The following CDC14B variants were observed in gnomAD, a reference collection of about 807,000 sequenced individuals.
CDC14B encodes the protein dual specificity protein phosphatase CDC14B.
Under a neutral mutation model 64.2 loss-of-function variants are expected in CDC14B, and 22 were observed. That is an observed-to-expected ratio of 0.34 (90% CI 0.24 to 0.49). The LOEUF (loss-of-function observed/expected upper bound fraction) is 0.49. CDC14B is among the 20% of genes least tolerant of loss of function. The probability of loss-of-function intolerance (pLI) is 0.99; values close to 1 mark genes in which losing one functional copy is unlikely to be tolerated. For synonymous variants in CDC14B, 191 were observed against 215.8 expected, an observed-to-expected ratio of 0.89 and a Z score of 1.01; for missense variants, 498 against 629.9, an observed-to-expected ratio of 0.79 and a Z score of 2.24.
At chr9:96,552,062 C>T (rs1284730338) in intron 4 of CDC14B, among the ~76,000 whole-genome samples, 190 bp from the exon 5 acceptor site, 3 of 152,230 alleles carry the variant, frequency 2.0e-5, no homozygotes, top group African/African-American at 4.8e-5. Flanking sequence ...TTGCTGGTTT[C>T]TGTTGTTTGC....
chr9:96,562,678 A>C lies in CDC14B; in HGVS notation c.420+15T>G, dbSNP rs779957125. On this transcript the variant is annotated intron_variant, in intron 4 of 13. Transcript: ENST00000375241. ...TGTGCATTTTTATGAATACATTAGG[A>C]AAACAAATACTTACCATGTAGCATC... is the stretch of plus-strand genomic sequence containing the variant. 7 of 1,559,392 alleles carry C rather than the reference A, an allele frequency of 4.5e-6. No homozygotes were observed. Among genetic ancestry groups the C allele is most frequent in the Non-Finnish European group, 6.2e-6 (7 of 1,130,940 alleles).
chr9:96,506,205 G>A (rs937084263), intron 13 of CDC14B, among the ~76,000 whole-genome samples: 3 of 152,048 alleles, frequency 2.0e-5, no homozygotes, highest in Non-Finnish European at 4.4e-5. Flanking sequence ...TTCTACTGCT[G>A]TTTAAAGATT....
chr9:96,539,869 C>T (rs1216469345), intron 6 of CDC14B, among the ~76,000 whole-genome samples: 1 of 152,188 alleles, frequency 6.6e-6, no homozygotes, highest in African/African-American at 2.4e-5. Flanking sequence ...AAATATCCTC[C>T]TGGCTGCTGA....
At chr9:96,545,324 ATTTTC>A (rs905521853) in intron 5 of CDC14B, among the ~76,000 whole-genome samples, 5 of 140,140 alleles carry the variant, frequency 3.6e-5, no homozygotes, top group Non-Finnish European at 7.7e-5. Context: ...GAGTATGATT[ATTTTC>A]TTTTTTTTTT....
chr9:96,541,075 T>C (rs1304375866), intron 6 of CDC14B, among the ~76,000 whole-genome samples: 1 of 152,244 alleles, frequency 6.6e-6, no homozygotes, highest in Admixed American at 6.5e-5. Context: ...CTTTTGGCTC[T>C]AAAAGCACAA....
chr9:96,516,199 CCA>C (rs367773821), intron 12 of CDC14B, among the ~76,000 whole-genome samples: 15 of 152,094 alleles, frequency 9.9e-5, no homozygotes, highest in African/African-American at 3.6e-4. Flanking sequence ...ACACAAAACC[CCA>C]GACTAGTTAA....
rs373160930 is a variant in CDC14B, at chr9:96,560,582, C to CTTTT, written c.420+2110_420+2111insAAAA. 2.9e-4 allele frequency among the ~76,000 whole-genome samples: 37 copies of CTTTT among 127,648 alleles called. 7 individuals carry two copies. Among genetic ancestry groups the CTTTT allele is most frequent in the East Asian group, 4.3e-4 (2 of 4,634 alleles). The allele number at this position is 127,648 out of a possible 152,430, so 83.7% of individuals were successfully genotyped here. ...GGTTCATACATAGACTTTTCTCTTT[C>CTTTT]TCTTTTTTTTTTTTTTTTTGAGACG... On this transcript the variant is annotated intron_variant, in intron 4 of 13. Transcript: ENST00000375241.
chr9:96,504,021 A>G (rs892321392), intron 13 of CDC14B, among the ~76,000 whole-genome samples: 2 of 152,190 alleles, frequency 1.3e-5, no homozygotes, highest in Non-Finnish European at 2.9e-5. Context: ...CAAAAAATAG[A>G]AATTTAAAAA....
At chr9:96,553,962 G>A (rs1842159652) in intron 4 of CDC14B, among the ~76,000 whole-genome samples, 1 of 152,074 alleles carries the variant, frequency 6.6e-6, no homozygotes, top group Non-Finnish European at 1.5e-5. Context: ...TCAGGAGATG[G>A]AGACCATCCT....
In CDC14B at chr9:96,500,879, C is replaced by CGCCCAGCCCA. The variant is rs1272749055; in HGVS notation, c.*2864_*2873dup. On this transcript the variant is annotated 3_prime_UTR_variant, in exon 14 of 14. Coordinates refer to ENST00000375241, the MANE Select transcript of CDC14B (RefSeq NM_033331.4). The stretch of plus-strand genomic sequence containing the variant: ...GGCCACACACAAGCCCAGGCCATCC[C>CGCCCAGCCCA]GCCCAGCCCAGCGAGCACACTGGCC... The CGCCCAGCCCA allele has an allele frequency of 8.0e-6, 1 of 124,490 alleles. No individual in the cohort carries two copies. Among genetic ancestry groups the CGCCCAGCCCA allele is most frequent in the Non-Finnish European group, 1.7e-5 (1 of 59,680 alleles). The allele number at this position is 124,490 out of a possible 1,614,324, so 7.7% of individuals were successfully genotyped here.
intron 1 of CDC14B, among the ~76,000 whole-genome samples, chr9:96,607,151 TC>T (rs1847005118): frequency 6.6e-6 from 1 of 151,934 alleles, no homozygotes; most frequent in Non-Finnish European, 1.5e-5. Flanking sequence ...ATCCCACATA[TC>T]TTTATTTTGG....
intron 5 of CDC14B, among the ~76,000 whole-genome samples, chr9:96,545,309 T>A: frequency 6.6e-6 from 1 of 151,564 alleles, no homozygotes; most frequent in Non-Finnish European, 1.5e-5. Context: ...GTCTTCTCTG[T>A]GAAGGAGTAT....
At chr9:96,608,344 T>C (rs1006514740) in intron 1 of CDC14B, among the ~76,000 whole-genome samples, 3 of 152,234 alleles carry the variant, frequency 2.0e-5, no homozygotes, top group Non-Finnish European at 4.4e-5. Flanking sequence ...TGACAGTTCA[T>C]TGTCAGAAAG....
chr9:96,582,116 G>A (rs1845195620), intron 1 of CDC14B, among the ~76,000 whole-genome samples: 1 of 152,086 alleles, frequency 6.6e-6, no homozygotes, highest in Non-Finnish European at 1.5e-5. Flanking sequence ...AACCTCTCCA[G>A]CCCCCGTCCC....
chr9:96,494,571 T>G (rs528050536), intron 13 of CDC14B, among the ~76,000 whole-genome samples: 1 of 152,304 alleles, frequency 6.6e-6, no homozygotes, highest in South Asian at 2.1e-4. Context: ...CAAAGTTTCC[T>G]TGGACTCTAG....
rs138624546 is a variant in CDC14B at position 96,531,699 on chromosome 9, C to T, written c.946+2228G>A. On this transcript the variant is annotated intron_variant, in intron 9 of 13. Coordinates refer to ENST00000375241, the MANE Select transcript of CDC14B (RefSeq NM_033331.4). The stretch of plus-strand genomic sequence containing the variant: ...ACACAAAAATTATACTACTTGCAAA[C>T]GACAAATTATTTTACAAATTACAAT... Among the ~76,000 whole-genome samples the T allele has an allele frequency of 8.2e-4, 124 of 152,020 alleles. 1 individual carries two copies. The highest frequency in any genetic ancestry group is 1.3e-3 in the Non-Finnish European group (88 of 67,986).
intron 1 of CDC14B, among the ~76,000 whole-genome samples, chr9:96,577,796 A>T (rs73656904): frequency 0.046 from 7,040 of 152,302 alleles, 559 homozygotes; most frequent in African/African-American, 0.16. Flanking sequence ...ATACAACAGA[A>T]ATTCATACAT....
At chr9:96,583,175 G>A (rs367930145) in intron 1 of CDC14B, among the ~76,000 whole-genome samples, 1 of 152,052 alleles carries the variant, frequency 6.6e-6, no homozygotes, top group African/African-American at 2.4e-5. Context: ...AATAATCCCT[G>A]TAAGAAATGG....
At chr9:96,601,184 C>T (rs1465785040) in intron 1 of CDC14B, among the ~76,000 whole-genome samples, 1 of 152,020 alleles carries the variant, frequency 6.6e-6, no homozygotes, top group Non-Finnish European at 1.5e-5. Context: ...TGTATCTAAA[C>T]ATGCTCTGAA....
Sources: gnomAD v4.1 joint callset for allele counts (sites outside exome capture counted in the v4.1 genomes callset) on GRCh38, gnomAD v4.1.1 for gene constraint, MANE v1.5 for transcripts, NCBI Gene and HGNC (gene_info 2026-07-23, HGNC 2026-07-21) for gene names.